Variants in CDH18 observed in about 807,000 individuals in gnomAD.
CDH18 encodes cadherin 18.
A neutral mutation model predicts 67.9 loss-of-function variants in CDH18; 31 were observed. The ratio of observed to expected loss-of-function variants is 0.46; its 90% CI spans 0.34 to 0.62. The LOEUF is 0.62. Ranked by LOEUF, CDH18 falls within the 20% of genes least tolerant of loss-of-function variation. The pLI is 0.01. For synonymous variants in CDH18, 362 were observed against 347.2 expected, an observed-to-expected ratio of 1.04 and a Z score of -0.48; for missense variants, 890 against 975.5, an observed-to-expected ratio of 0.91 and a Z score of 1.17.
intron 2 of CDH18, among the ~76,000 whole-genome samples, chr5:19,950,378 TGGG>T (rs1255815360): frequency 6.6e-6 from 1 of 151,672 alleles, no homozygotes; most frequent in Non-Finnish European, 1.5e-5. Context: ...GGGGAAAAGG[TGGG>T]AGTGGGTTGA....
intron 3 of CDH18, among the ~76,000 whole-genome samples, chr5:19,789,085 C>CTGGAGTGT (rs1321592835): frequency 2.6e-5 from 4 of 152,166 alleles, no homozygotes; most frequent in Non-Finnish European, 4.4e-5. Flanking sequence ...AGGGAACAGT[C>CTGGAGTGT]TGGAGTGTTG....
intron 2 of CDH18, among the ~76,000 whole-genome samples, chr5:19,900,059 A>T (rs1004828724): frequency 6.6e-6 from 1 of 152,194 alleles, no homozygotes; most frequent in East Asian, 1.9e-4. Flanking sequence ...GCAGTTAAAA[A>T]TTTGTGGTAA....
At chr5:20,412,280 G>A (rs950621093) in intron 1 of CDH18, among the ~76,000 whole-genome samples, 3 of 152,048 alleles carry the variant, frequency 2.0e-5, no homozygotes, top group African/African-American at 7.2e-5. Context: ...AGGACATAGT[G>A]TTCAATAAAC....
chr5:19,701,034 G>C (rs1465193451), intron 5 of CDH18, among the ~76,000 whole-genome samples: 1 of 151,976 alleles, frequency 6.6e-6, no homozygotes, highest in Non-Finnish European at 1.5e-5. Flanking sequence ...AGTAATTGTG[G>C]TCAGTAAAAT....
chr5:20,293,282 A>T (rs1199885895), intron 1 of CDH18, among the ~76,000 whole-genome samples: 1 of 152,120 alleles, frequency 6.6e-6, no homozygotes, highest in African/African-American at 2.4e-5. Flanking sequence ...ACGCCATTGC[A>T]CTCCAGCCTT....
rs113456906 is a variant in CDH18, at chr5:19,471,678, A to G, written c.*1548T>C. Among the ~76,000 whole-genome samples the G allele has an allele frequency of 6.6e-6, 1 of 151,412 alleles. No homozygotes were observed. The highest frequency in any genetic ancestry group is 1.5e-5 in the Non-Finnish European group (1 of 67,990). ...CAACAACAAAACATTATCTAAAACA[A>G]TTTGAAAAAAAAAGCCCCACCCAAA... On this transcript the variant is annotated 3_prime_UTR_variant, in exon 13 of 13. Coordinates refer to ENST00000382275, the MANE Select transcript of CDH18 (RefSeq NM_004934.5).
At chr5:19,654,070 C>A (rs754546524) in intron 5 of CDH18, among the ~76,000 whole-genome samples, 4 of 152,140 alleles carry the variant, frequency 2.6e-5, no homozygotes, top group Admixed American at 2.0e-4. Context: ...GGAAGTACAA[C>A]AAGGCATTAT....
intron 2 of CDH18, among the ~76,000 whole-genome samples, chr5:19,997,624 G>C (rs1389766117): frequency 6.6e-6 from 1 of 152,036 alleles, no homozygotes; most frequent in African/African-American, 2.4e-5. Context: ...TAAAGTCTTT[G>C]AGAACCAACA....
In CDH18 at chr5:19,571,745, G is replaced by A. The variant is rs1280042011; in HGVS notation, c.1087C>T (p.Pro363Ser). 2.5e-6 allele frequency: 4 copies of A among 1,613,882 alleles called. No homozygotes were observed. The highest frequency in any genetic ancestry group is 3.4e-6 in the Non-Finnish European group (4 of 1,179,858). The stretch of plus-strand genomic sequence containing the variant: ...TTCAGCATAGTAGCATCTTTAAAAG[G>A]ACCCAAGTGAGAAAAGCGAAAATCA... ...HLDFRFSHLG[P>S]FKDATMLKII... is the part of the protein sequence containing the mutation. The change falls in exon 8 of 13, where the codon CCT becomes TCT. Residue 363 changes from proline to serine, a missense_variant. By Grantham distance (74) the Pro-to-Ser change is moderately conservative. Coordinates refer to ENST00000382275, the MANE Select transcript of CDH18 (RefSeq NM_004934.5).
chr5:20,028,914 T>TA (rs1477562560), intron 2 of CDH18, among the ~76,000 whole-genome samples: 1 of 152,172 alleles, frequency 6.6e-6, no homozygotes, highest in African/African-American at 2.4e-5. Context: ...CTTAATTCCT[T>TA]ACACATGCTA....
At chr5:20,148,637 G>T (rs1333405284) in intron 2 of CDH18, among the ~76,000 whole-genome samples, 1 of 152,064 alleles carries the variant, frequency 6.6e-6, no homozygotes, top group Non-Finnish European at 1.5e-5. Context: ...TAAGCTTAAA[G>T]AACTGAGTTT....
At chr5:20,403,038 C>T (rs1188980803) in intron 1 of CDH18, among the ~76,000 whole-genome samples, 6 of 146,024 alleles carry the variant, frequency 4.1e-5, no homozygotes, top group African/African-American at 5.2e-5. Context: ...AAAAAAATAG[C>T]GAGGTGTGGT....
intron 6 of CDH18, among the ~76,000 whole-genome samples, chr5:19,611,443 T>C (rs1361469014): frequency 6.6e-6 from 1 of 152,128 alleles, no homozygotes; most frequent in Admixed American, 6.6e-5. Flanking sequence ...CAAAGGGCCG[T>C]GAATAAGGAA....
At chr5:19,507,456 GT>G in intron 10 of CDH18, among the ~76,000 whole-genome samples, 1 of 152,182 alleles carries the variant, frequency 6.6e-6, no homozygotes, top group East Asian at 1.9e-4. Context: ...ACATGCACAC[GT>G]ATGTTTATTG....
intron 1 of CDH18, among the ~76,000 whole-genome samples, chr5:20,280,126 T>C (rs1225203495): frequency 6.6e-6 from 1 of 152,122 alleles, no homozygotes. Flanking sequence ...TCTATCAAAA[T>C]ATGTATGACA....
chr5:19,579,617 T>C (rs1742891297), intron 7 of CDH18, among the ~76,000 whole-genome samples: 1 of 151,912 alleles, frequency 6.6e-6, no homozygotes, highest in Non-Finnish European at 1.5e-5. Flanking sequence ...ACTTTTGTAC[T>C]CTTAGTAATG....
chr5:20,301,297 C>T (rs1348353016), intron 1 of CDH18, among the ~76,000 whole-genome samples: 1 of 152,142 alleles, frequency 6.6e-6, no homozygotes, highest in Non-Finnish European at 1.5e-5. Flanking sequence ...TATTGTCTGA[C>T]AATTCAAGTA....
chr5:20,501,457 A>C (rs1350154868), intron 1 of CDH18, among the ~76,000 whole-genome samples: 2 of 125,094 alleles, frequency 1.6e-5, no homozygotes, highest in East Asian at 4.4e-4. Context: ...TATTTTATAT[A>C]CATATTATAT....
chr5:20,195,120 T>C (rs1738868065), intron 2 of CDH18, among the ~76,000 whole-genome samples: 2 of 152,050 alleles, frequency 1.3e-5, no homozygotes, highest in South Asian at 4.1e-4. Flanking sequence ...GATACCTCCA[T>C]CTTATTCAAA....
Sources: allele counts gnomAD v4.1 joint callset (sites outside exome capture counted in the v4.1 genomes callset), GRCh38; gene constraint gnomAD v4.1.1; transcripts MANE v1.5; gene names NCBI Gene and HGNC (gene_info 2026-07-23, HGNC 2026-07-21).